The following MAN1A1 variants were observed in gnomAD, a reference collection of about 807,000 sequenced individuals.
The protein encoded by MAN1A1 is mannosyl-oligosaccharide 1,2-alpha-mannosidase IA.
A neutral mutation model predicts 70.8 loss-of-function variants in MAN1A1; 29 were observed. The observed-to-expected ratio is 0.41, with a 90% CI of 0.31 to 0.56. The LOEUF (loss-of-function observed/expected upper bound fraction) is 0.56. MAN1A1 is among the 20% of genes least tolerant of loss of function. MAN1A1 has a pLI of 0.29. For missense variants in MAN1A1, 747 were observed against 841.3 expected, an observed-to-expected ratio of 0.89 and a Z score of 1.39; for synonymous variants, 349 against 330.1, an observed-to-expected ratio of 1.06 and a Z score of -0.62.
At chr6:119,183,871 A>G (rs1419616603) in intron 11 of MAN1A1, among the ~76,000 whole-genome samples, 1 of 152,148 alleles carries the variant, frequency 6.6e-6, no homozygotes, top group African/African-American at 2.4e-5. Flanking sequence ...TGTCCCAGGC[A>G]GCATCTTCCT....
At chr6:119,182,043 T>C (rs1042462832) in intron 11 of MAN1A1, among the ~76,000 whole-genome samples, 2 of 152,220 alleles carry the variant, frequency 1.3e-5, no homozygotes, top group South Asian at 2.1e-4. Context: ...CTAAGACTGA[T>C]TACCTCTTGA....
intron 2 of MAN1A1, among the ~76,000 whole-genome samples, chr6:119,337,263 TAA>T (rs772352294): frequency 6.8e-6 from 1 of 146,026 alleles, no homozygotes; most frequent in Admixed American, 6.8e-5. Flanking sequence ...CTGACTGTTG[TAA>T]AAAAAAAAAA....
intron 6 of MAN1A1, among the ~76,000 whole-genome samples, chr6:119,243,799 A>T (rs1775076340): frequency 6.6e-6 from 1 of 152,126 alleles, no homozygotes; most frequent in Admixed American, 6.6e-5. Context: ...GCAGGAAATA[A>T]AACAGGTGAG....
At chr6:119,185,003 T>C (rs952856162) in intron 11 of MAN1A1, among the ~76,000 whole-genome samples, 1 of 152,084 alleles carries the variant, frequency 6.6e-6, no homozygotes, top group African/African-American at 2.4e-5. Flanking sequence ...ATCCTCCCTC[T>C]TCAGCCTCTT....
intron 5 of MAN1A1, among the ~76,000 whole-genome samples, chr6:119,287,739 T>C (rs1776416702): frequency 6.6e-6 from 1 of 152,008 alleles, no homozygotes; most frequent in Non-Finnish European, 1.5e-5. Context: ...ACTAGTGGTC[T>C]TTAGAACATA....
At chr6:119,216,354 T>C (rs1226656251) in intron 6 of MAN1A1, among the ~76,000 whole-genome samples, 2 of 152,128 alleles carry the variant, frequency 1.3e-5, no homozygotes, top group East Asian at 1.9e-4. Flanking sequence ...TGGGTGCTGA[T>C]AGTAGAGATG....
chr6:119,185,743 AT>A (rs971526881), intron 11 of MAN1A1, among the ~76,000 whole-genome samples: 5 of 150,118 alleles, frequency 3.3e-5, no homozygotes, highest in Non-Finnish European at 5.9e-5. Context: ...CGCCTGGTTA[AT>A]TTTTTTTTGT....
chr6:119,177,448 T>C lies in MAN1A1; in HGVS notation c.*2371A>G, dbSNP rs779299250. ...TACAACTTACATGTGTAATATTAATTGCACAAAGTATATCAAGACATATTG... is the reference window on the plus strand; with the variant it reads ...TACAACTTACATGTGTAATATTAATCGCACAAAGTATATCAAGACATATTG... On this transcript the variant is annotated 3_prime_UTR_variant, in exon 13 of 13. Coordinates refer to ENST00000368468, the MANE Select transcript of MAN1A1 (RefSeq NM_005907.4). The C allele has an allele frequency of 6.6e-6, 1 of 152,090 alleles. No individual in the cohort carries two copies. Among genetic ancestry groups the C allele is most frequent in the Non-Finnish European group, 1.5e-5 (1 of 67,952 alleles). 9.4% of individuals were successfully genotyped at this position (152,090 alleles called of 1,614,324 possible). A position where few individuals can be genotyped will look rare whatever the true frequency, so the allele number is the denominator to read the frequency against.
chr6:119,178,199 T>A lies in MAN1A1; in HGVS notation c.*1620A>T, dbSNP rs997750581. The stretch of plus-strand genomic sequence containing the variant: ...AGATGGTCCTGTCCGATAAAGGAAA[T>A]CTTTTAAAACACTTTCAAAAGCTAA... On this transcript the variant is annotated 3_prime_UTR_variant, in exon 13 of 13. Coordinates refer to ENST00000368468, the MANE Select transcript of MAN1A1 (RefSeq NM_005907.4). The A allele has an allele frequency of 2.0e-5, 3 of 152,230 alleles. No individual in the cohort carries two copies. The highest frequency in any genetic ancestry group is 2.0e-4 in the Admixed American group (3 of 15,288). The allele number at this position is 152,230 out of a possible 1,614,324, so 9.4% of individuals were successfully genotyped here.
chr6:119,317,342 G>A (rs1054714239), intron 2 of MAN1A1, among the ~76,000 whole-genome samples: 11 of 152,070 alleles, frequency 7.2e-5, no homozygotes, highest in Admixed American at 4.6e-4. Context: ...TACTACCATA[G>A]TATCATAGAG....
intron 4 of MAN1A1, among the ~76,000 whole-genome samples, chr6:119,293,976 C>A (rs961851749): frequency 6.6e-6 from 1 of 152,034 alleles, no homozygotes; most frequent in Non-Finnish European, 1.5e-5. Flanking sequence ...TAGCTGGTAA[C>A]GCACTCATCA....
rs1177381667 is a variant in MAN1A1, at chr6:119,294,537, G to A, written c.817-3774C>T. ...AATCTTTAGGATTGCATTCCAGTAT[G>A]CCCCATGTATTCAGTGGCTTCTAGT... On this transcript the variant is annotated intron_variant, in intron 4 of 12. Coordinates refer to ENST00000368468, the MANE Select transcript of MAN1A1 (RefSeq NM_005907.4). 2.6e-4 allele frequency among the ~76,000 whole-genome samples: 39 copies of A among 152,150 alleles called. 1 individual carries two copies. The highest frequency in any genetic ancestry group is 1.5e-5 in the Non-Finnish European group (1 of 67,974).
intron 6 of MAN1A1, among the ~76,000 whole-genome samples, chr6:119,207,818 G>C (rs1183634494): frequency 6.6e-6 from 1 of 152,162 alleles, no homozygotes; most frequent in Non-Finnish European, 1.5e-5. Flanking sequence ...CCTTGGTCTG[G>C]TGGAGAGGGG....
intron 6 of MAN1A1, among the ~76,000 whole-genome samples, chr6:119,236,234 C>G (rs1211537833): frequency 1.3e-5 from 2 of 151,866 alleles, no homozygotes; most frequent in Admixed American, 1.3e-4. Flanking sequence ...TATAACATGG[C>G]TTACTGAATA....
intron 2 of MAN1A1, among the ~76,000 whole-genome samples, chr6:119,340,313 G>A (rs1773565174): frequency 6.6e-6 from 1 of 152,148 alleles, no homozygotes; most frequent in East Asian, 1.9e-4. Context: ...AGAGGAACTA[G>A]GGACAGACAA....
chr6:119,319,564 G>A (rs983180775), intron 2 of MAN1A1, among the ~76,000 whole-genome samples: 6 of 151,962 alleles, frequency 3.9e-5, no homozygotes, highest in African/African-American at 1.2e-4. Flanking sequence ...GGCAAAGACC[G>A]CCATAAATTT....
At chr6:119,261,271 G>GTCCCGC (rs1435077247) in intron 5 of MAN1A1, among the ~76,000 whole-genome samples, 1 of 152,082 alleles carries the variant, frequency 6.6e-6, no homozygotes, top group African/African-American at 2.4e-5. Context: ...GAGCCACTGC[G>GTCCCGC]CCCCGCCTAT....
intron 6 of MAN1A1, among the ~76,000 whole-genome samples, chr6:119,210,050 G>A (rs1260742799): frequency 6.6e-6 from 1 of 152,144 alleles, no homozygotes; most frequent in African/African-American, 2.4e-5. Flanking sequence ...TTTAGACAGA[G>A]CTGAAACCGA....
At chr6:119,245,624 C>T (rs1775149548) in intron 6 of MAN1A1, among the ~76,000 whole-genome samples, 1 of 151,966 alleles carries the variant, frequency 6.6e-6, no homozygotes, top group Non-Finnish European at 1.5e-5. Context: ...ATTAATTTTG[C>T]CAGTGCTTAT....
Sources: allele counts gnomAD v4.1 joint callset (sites outside exome capture counted in the v4.1 genomes callset), GRCh38; gene constraint gnomAD v4.1.1; transcripts MANE v1.5; gene names NCBI Gene and HGNC (gene_info 2026-07-23, HGNC 2026-07-21).